NT5DC4: variants seen among roughly 807,000 people sequenced by gnomAD.
The protein encoded by NT5DC4 is 5'-nucleotidase domain-containing protein 4.
A neutral mutation model predicts 26.6 loss-of-function variants in NT5DC4; 44 were observed. The observed-to-expected ratio is 1.65, with a 90% CI of 1.30 to 2.13. The LOEUF (loss-of-function observed/expected upper bound fraction) is 2.13. Ranked by LOEUF, NT5DC4 falls within the 30% of genes most tolerant of loss-of-function variation. The pLI is 0.00. For missense variants in NT5DC4, 399 were observed against 228.1 expected, an observed-to-expected ratio of 1.75 and a Z score of -4.83; for synonymous variants, 157 against 86.7, an observed-to-expected ratio of 1.81 and a Z score of -4.51.
chr2:112,722,138 C>T (rs1324164943), intron 3 of NT5DC4, 35 bp downstream of exon 3: 4 of 704,116 alleles, frequency 5.7e-6, no homozygotes. Context: ...GGCCACCCGG[C>T]CTTGGTACCC....
chr2:112,731,717 T>C (rs1291684259), intron 16 of NT5DC4: 1 of 152,258 alleles, frequency 6.6e-6, no homozygotes, highest in Non-Finnish European at 1.5e-5. Flanking sequence ...TACAGTTTAC[T>C]TTTTGTCTGT....
Position 112,724,880 on chromosome 2 carries a change from G to T in NT5DC4, c.889G>T (p.Val297Phe). The change falls in exon 11 of 17, where the codon GTC becomes TTC. Residue 297 changes from valine (V) to phenylalanine (F), a missense_variant. Coordinates refer to ENST00000688554, the MANE Select transcript of NT5DC4 (RefSeq NM_001393655.1). ...FFAEGLVLRQ[V>F]NTVMAGAEDS... ...TGCAGAGGGGTTGGTCCTGAGGCAG[G>T]TCAACACGGTAATGGCAGGTGCAGA... 1.4e-6 allele frequency: 1 copy of T among 717,152 alleles called. No individual in the cohort carries two copies. Among genetic ancestry groups the T allele is most frequent in the Non-Finnish European group, 2.6e-6 (1 of 385,016 alleles). 44.4% of individuals were successfully genotyped at this position (717,152 alleles called of 1,614,324 possible).
At chr2:112,721,935 AG>A (rs898795880) in intron 2 of NT5DC4, 44 bp downstream of exon 2, 2 of 717,300 alleles carry the variant, frequency 2.8e-6, no homozygotes, top group Non-Finnish European at 5.2e-6. Context: ...TGGAGGGAGC[AG>A]GGGTGGGCAG....
At chr2:112,719,815 CCTTT>C, upstream of NT5DC4, among the ~76,000 whole-genome samples, 1 of 149,454 alleles carries the variant, frequency 6.7e-6, no homozygotes, top group East Asian at 2.0e-4. Context: ...TTCTTCATTT[CCTTT>C]CCTTTCCCTT....
At chr2:112,730,050 C>T (rs1344747955) in intron 16 of NT5DC4, among the ~76,000 whole-genome samples, 2 of 152,062 alleles carry the variant, frequency 1.3e-5, no homozygotes, top group African/African-American at 2.4e-5. Flanking sequence ...TGGTGTTTCA[C>T]ACCTGTAATC....
At chr2:112,736,381 T>C (rs182481903) in intron 16 of NT5DC4, among the ~76,000 whole-genome samples, 122 of 152,282 alleles carry the variant, frequency 8.0e-4, no homozygotes, top group African/African-American at 2.7e-3. Context: ...TTAGGTATAT[T>C]TAAGATTTAC....
chr2:112,719,481 CTTTTT>C (rs57789268), upstream of NT5DC4, among the ~76,000 whole-genome samples: 6 of 101,292 alleles, frequency 5.9e-5, no homozygotes, highest in Non-Finnish European at 9.4e-5. Flanking sequence ...ACTTGTCTGT[CTTTTT>C]TTTTTTTTTT....
At chr2:112,731,917 CTTTTTTTTTTTTT>C (rs749249208) in intron 16 of NT5DC4, among the ~76,000 whole-genome samples, 7 of 108,636 alleles carry the variant, frequency 6.4e-5, no homozygotes, top group South Asian at 5.9e-4. Flanking sequence ...AGAGAGTTTA[CTTTTTTTTTTTTT>C]TTTTTTTTTT....
At chr2:112,729,544 G>C in intron 15 of NT5DC4, 83 bp from the exon 16 acceptor site, 1 of 705,116 alleles carries the variant, frequency 1.4e-6, no homozygotes, top group Non-Finnish European at 2.7e-6. Context: ...CTGTGGGCAG[G>C]GGAGCCTGTG....
At chr2:112,738,278 A>G (rs1426564301) in intron 16 of NT5DC4, 2 of 152,658 alleles carry the variant, frequency 1.3e-5, no homozygotes, top group African/African-American at 4.8e-5. Flanking sequence ...TCTCATTTAC[A>G]AGGATACTGT....
intron 16 of NT5DC4, among the ~76,000 whole-genome samples, chr2:112,736,270 A>G (rs1020427565): frequency 1.3e-5 from 2 of 152,116 alleles, no homozygotes; most frequent in African/African-American, 4.8e-5. Flanking sequence ...TCTACGTCCT[A>G]TGTTCAGATT....
In NT5DC4 at chr2:112,721,832, G is replaced by T; in HGVS notation, c.89G>T (p.Arg30Leu). Residue 30 changes from arginine to leucine, a missense_variant, in exon 2 of 17, where the codon CGC becomes CTC. Physicochemically the swap from Arg to Leu is moderately radical, Grantham distance 102. Transcript: ENST00000688554. ...TCTCTCCCCAGGATTTTTGTCAACC[G>T]CAGCCTGGCGCTGGGGAAGATTCGT... ...QDWHQRIFVN[R>L]SLALGKIRCF... is the part of the protein sequence containing the mutation. 2.8e-6 allele frequency: 2 copies of T among 717,328 alleles called. No homozygotes were observed. The highest frequency in any genetic ancestry group is 5.4e-5 in the East Asian group (2 of 37,300). The allele number at this position is 717,328 out of a possible 1,614,324, so 44.4% of individuals were successfully genotyped here. A position where few individuals can be genotyped will look rare whatever the true frequency, so the allele number is the denominator to read the frequency against.
chr2:112,732,284 T>C (rs1301505895), intron 16 of NT5DC4, among the ~76,000 whole-genome samples: 1 of 152,154 alleles, frequency 6.6e-6, no homozygotes, highest in Non-Finnish European at 1.5e-5. Flanking sequence ...TTTTCTTCCT[T>C]TCCCTGGTTT....
At chr2:112,730,635 T>A (rs1353519720) in intron 16 of NT5DC4, among the ~76,000 whole-genome samples, 1 of 152,182 alleles carries the variant, frequency 6.6e-6, no homozygotes, top group Admixed American at 6.5e-5. Flanking sequence ...AAACCCTGCA[T>A]AAATGTTCCT....
At chr2:112,727,185 T>G (rs1677852272) in intron 15 of NT5DC4, 1 of 215,160 alleles carries the variant, frequency 4.6e-6, no homozygotes, top group Admixed American at 5.0e-5. Flanking sequence ...GTCAGCCAGG[T>G]GGAGGGAGTC....
At chr2:112,724,210 C>T (rs543032815) in intron 10 of NT5DC4, 84 bp downstream of exon 10, 3 of 712,468 alleles carry the variant, frequency 4.2e-6, no homozygotes, top group East Asian at 5.4e-5. Flanking sequence ...TGCTGAGGGC[C>T]TCTCCCACGT....
chr2:112,719,621 G>C (rs60241346), upstream of NT5DC4, among the ~76,000 whole-genome samples: 1,242 of 151,450 alleles, frequency 8.2e-3, 14 homozygotes, highest in African/African-American at 0.028. Flanking sequence ...GAGTAGCTGG[G>C]ATTACAGGCA....
chr2:112,720,537 T>C (rs978249914), upstream of NT5DC4, among the ~76,000 whole-genome samples: 2 of 152,170 alleles, frequency 1.3e-5, no homozygotes, highest in Non-Finnish European at 2.9e-5. Flanking sequence ...TTTTGACACT[T>C]CCTTTTGTAC....
intron 16 of NT5DC4, among the ~76,000 whole-genome samples, chr2:112,731,917 C>CTTTTTTT (rs749249208): frequency 2.8e-5 from 3 of 108,636 alleles, no homozygotes; most frequent in Non-Finnish European, 3.8e-5. Flanking sequence ...AGAGAGTTTA[C>CTTTTTTT]TTTTTTTTTT....
Sources: allele counts gnomAD v4.1 joint callset (sites outside exome capture counted in the v4.1 genomes callset), GRCh38; gene constraint gnomAD v4.1.1; transcripts MANE v1.5; gene names NCBI Gene and HGNC (gene_info 2026-07-23, HGNC 2026-07-21).